The following KIAA0930 variants were observed in gnomAD, a reference collection of about 807,000 sequenced individuals.
KIAA0930 encodes the protein uncharacterized protein KIAA0930.
KIAA0930 carries 24 observed loss-of-function variants against 43.9 expected under a neutral mutation model. That is an observed-to-expected ratio of 0.55 (90% CI 0.40 to 0.77). The LOEUF is 0.77. Among genes scored for constraint, KIAA0930 ranks in the 30% least tolerant of loss-of-function variants. The pLI is 0.00. For synonymous variants in KIAA0930, 259 were observed against 216.4 expected (o/e 1.20, Z -1.73); for missense variants, 461 against 574.2 (o/e 0.80, Z 2.02).
At position 45,192,397 on chromosome 22, in the gene KIAA0930, G is replaced by A. The variant is rs1200745605; in HGVS notation, c.*4779C>T. ...GGTTAATAAAGACGCTGTTGGTAAC[G>A]CGTACAGAACTATCACTGGCAATCA... On this transcript the variant is annotated 3_prime_UTR_variant, in exon 10 of 10. Transcript: ENST00000336156. 6.6e-6 allele frequency: 1 copy of A among 152,198 alleles called. No homozygotes were observed. Among genetic ancestry groups the A allele is most frequent in the Non-Finnish European group, 1.5e-5 (1 of 68,052 alleles). The allele number at this position is 152,198 out of a possible 1,614,324, so 9.4% of individuals were successfully genotyped here. A position where few individuals can be genotyped will look rare whatever the true frequency, so the allele number is the denominator to read the frequency against.
At chr22:45,211,548 G>A (rs546797787) in intron 2 of KIAA0930, 3 of 439,380 alleles carry the variant, frequency 6.8e-6, no homozygotes, top group Admixed American at 3.9e-5. Context: ...GTAAGTGGAA[G>A]GCACCGTCAT....
intron 1 of KIAA0930, among the ~76,000 whole-genome samples, chr22:45,235,656 T>C (rs2083884134): frequency 6.6e-6 from 1 of 152,052 alleles, no homozygotes; most frequent in South Asian, 2.1e-4. Flanking sequence ...CTTTGTATCC[T>C]GGATAATAAC....
chr22:45,220,224 A>G (rs12163341), intron 1 of KIAA0930, among the ~76,000 whole-genome samples: 100,678 of 151,860 alleles, frequency 0.66, 33,366 homozygotes, highest in South Asian at 0.8. Context: ...AGGCCGAGGC[A>G]GGAGGATTAC....
chr22:45,216,153 G>A (rs764743781), intron 1 of KIAA0930, among the ~76,000 whole-genome samples: 4 of 152,208 alleles, frequency 2.6e-5, no homozygotes, highest in Non-Finnish European at 4.4e-5. Flanking sequence ...GTCGGGACTG[G>A]AGGGATATCT....
chr22:45,208,276 T>C (rs1272791441), intron 2 of KIAA0930, among the ~76,000 whole-genome samples: 4 of 142,428 alleles, frequency 2.8e-5, no homozygotes, highest in South Asian at 4.4e-4. Flanking sequence ...CAACATATAC[T>C]GCCCGATTCC....
intron 1 of KIAA0930, 63 bp downstream of exon 1, chr22:45,240,577 G>T: frequency 8.5e-7 from 1 of 1,175,416 alleles, no homozygotes; most frequent in Non-Finnish European, 1.2e-6. Flanking sequence ...ACACGGACGC[G>T]CAGAGGCGGC....
At chr22:45,230,770 C>T (rs942332900) in intron 1 of KIAA0930, among the ~76,000 whole-genome samples, 7 of 151,796 alleles carry the variant, frequency 4.6e-5, no homozygotes, top group Non-Finnish European at 1.0e-4. Context: ...TTAGTAGAGA[C>T]GGGGTTTCAC....
intron 1 of KIAA0930, among the ~76,000 whole-genome samples, chr22:45,220,146 T>C (rs1345773713): frequency 6.6e-6 from 1 of 152,024 alleles, no homozygotes; most frequent in Non-Finnish European, 1.5e-5. Flanking sequence ...CAAGCAGAAT[T>C]TAACTGGGAA....
chr22:45,240,755 G>C lies in KIAA0930; in HGVS notation c.-52C>G. The C allele has an allele frequency of 1.3e-6, 1 of 760,030 alleles. No homozygotes were observed. Among genetic ancestry groups the C allele is most frequent in the Non-Finnish European group, 1.5e-6 (1 of 670,084 alleles). 47.1% of individuals were successfully genotyped at this position (760,030 alleles called of 1,614,324 possible). A position where few individuals can be genotyped will look rare whatever the true frequency, so the allele number is the denominator to read the frequency against. ...CGGCGCCGCCCGCAGGCTCGGGGGC[G>C]GCGGCGGCGGGGAGGGCGGGCGGCC... On this transcript the variant is annotated 5_prime_UTR_variant, in exon 1 of 10. Coordinates refer to ENST00000336156, the MANE Select transcript of KIAA0930 (RefSeq NM_001009880.2).
chr22:45,228,026 A>G (rs2083813622), intron 1 of KIAA0930, among the ~76,000 whole-genome samples: 1 of 152,202 alleles, frequency 6.6e-6, no homozygotes, highest in South Asian at 2.1e-4. Context: ...GCCAATGCAG[A>G]CAATCCGTGG....
intron 1 of KIAA0930, among the ~76,000 whole-genome samples, chr22:45,233,774 C>T (rs1326338800): frequency 6.6e-6 from 1 of 152,200 alleles, no homozygotes; most frequent in Non-Finnish European, 1.5e-5. Flanking sequence ...TCTACTCAAC[C>T]CTCTGAGCCT....
intron 1 of KIAA0930, among the ~76,000 whole-genome samples, chr22:45,227,499 G>A (rs1436993391): frequency 1.3e-5 from 2 of 152,224 alleles, no homozygotes; most frequent in African/African-American, 4.8e-5. Flanking sequence ...GGAAGCGCCA[G>A]CCTCGAATCC....
chr22:45,227,909 CTG>C (rs980194159), intron 1 of KIAA0930, among the ~76,000 whole-genome samples: 2 of 152,224 alleles, frequency 1.3e-5, no homozygotes, highest in Non-Finnish European at 2.9e-5. Context: ...CGAGCTCCCA[CTG>C]TGTGCGGGGG....
chr22:45,239,650 T>C (rs1006112086), intron 1 of KIAA0930, among the ~76,000 whole-genome samples: 6 of 152,166 alleles, frequency 3.9e-5, no homozygotes, highest in African/African-American at 7.2e-5. Flanking sequence ...CTTAGGGGGA[T>C]GCACTTGTTC....
Position 45,197,042 on chromosome 22 carries a change from T to C in KIAA0930, c.*134A>G. The C allele has an allele frequency of 1.4e-6, 1 of 702,808 alleles. No individual in the cohort carries two copies. Among genetic ancestry groups the C allele is most frequent in the Non-Finnish European group, 2.3e-6 (1 of 443,906 alleles). 43.5% of individuals were successfully genotyped at this position (702,808 alleles called of 1,614,324 possible). A position where few individuals can be genotyped will look rare whatever the true frequency, so the allele number is the denominator to read the frequency against. The stretch of plus-strand genomic sequence containing the variant: ...GTGGAGTCGGCCCCGGCCCCGGGAG[T>C]CGAGTGGCCTCGCCTGGCTGCGGCT... On this transcript the variant is annotated 3_prime_UTR_variant, in exon 10 of 10. Transcript: ENST00000336156.
chr22:45,209,126 C>T (rs1279044157), intron 2 of KIAA0930, among the ~76,000 whole-genome samples: 3 of 152,142 alleles, frequency 2.0e-5, no homozygotes, highest in Non-Finnish European at 2.9e-5. Flanking sequence ...TCCTGTCCCC[C>T]TGACACTGCA....
chr22:45,197,483 G>C (rs1368218411), intron 9 of KIAA0930, among the ~76,000 whole-genome samples: 1 of 152,178 alleles, frequency 6.6e-6, no homozygotes, highest in African/African-American at 2.4e-5. Context: ...GCTGCTGCAG[G>C]CCTGGGTCAG....
In KIAA0930 at chr22:45,240,749, G is replaced by C. The variant is rs1350085395; in HGVS notation, c.-46C>G. 1.3e-5 allele frequency: 11 copies of C among 854,030 alleles called. No individual in the cohort carries two copies. The highest frequency in any genetic ancestry group is 1.5e-5 in the Non-Finnish European group (11 of 746,490). The allele number at this position is 854,030 out of a possible 1,614,324, so 52.9% of individuals were successfully genotyped here. A position where few individuals can be genotyped will look rare whatever the true frequency, so the allele number is the denominator to read the frequency against. Reference sequence around the variant, plus strand: ...CGGCCTCGGCGCCGCCCGCAGGCTCGGGGGCGGCGGCGGCGGGGAGGGCGG... The same window carrying C: ...CGGCCTCGGCGCCGCCCGCAGGCTCCGGGGCGGCGGCGGCGGGGAGGGCGG... On this transcript the variant is annotated 5_prime_UTR_variant, in exon 1 of 10. Transcript: ENST00000336156.
chr22:45,234,395 G>A (rs2083873556), intron 1 of KIAA0930, among the ~76,000 whole-genome samples: 1 of 152,224 alleles, frequency 6.6e-6, no homozygotes. Flanking sequence ...AGACTGGCAA[G>A]GCATGGGCCC....
Sources: allele counts gnomAD v4.1 joint callset (sites outside exome capture counted in the v4.1 genomes callset), GRCh38; gene constraint gnomAD v4.1.1; transcripts MANE v1.5; gene names NCBI Gene and HGNC (gene_info 2026-07-23, HGNC 2026-07-21).